The following BBS12 variants were observed in gnomAD, a reference collection of about 807,000 sequenced individuals.
BBS12 encodes the protein chaperonin-containing T-complex member BBS12.
A neutral mutation model predicts 5.6 loss-of-function variants in BBS12; 5 were observed. The ratio of observed to expected loss-of-function variants is 0.89; its 90% CI spans 0.46 to 1.86. The LOEUF is 1.86. Ranked by LOEUF, BBS12 falls within the 40% of genes most tolerant of loss-of-function variation. BBS12 has a pLI of 0.01. For missense variants in BBS12, 748 were observed against 830.4 expected (o/e 0.90, Z 1.22); for synonymous variants, 308 against 306.8 (o/e 1.00, Z -0.04).
the BBS12 span, among the ~76,000 whole-genome samples, chr4:122,713,235 A>G: frequency 4.6e-5 from 7 of 152,198 alleles, no homozygotes; most frequent in Non-Finnish European, 1.0e-4. Context: ...TTTATGGTGT[A>G]AAGTGGCCAA....
chr4:122,707,038 GTCTC>G, the BBS12 span, among the ~76,000 whole-genome samples: 22 of 97,348 alleles, frequency 2.3e-4, no homozygotes, highest in Non-Finnish European at 3.4e-4. Flanking sequence ...TATTCATTTT[GTCTC>G]TCTCTCTCTC....
rs766815204 is a variant in BBS12, at chr4:122,743,506, A to G, written c.1614A>G (p.Gly538=). Residue 538 remains glycine, a synonymous_variant, in exon 2 of 2, where the codon GGA becomes GGG. Transcript: ENST00000314218. ...TAAAAGAGGAAAAGGTCTTCCTTGG[A>G]GGTGGTGCAGTTGAATTTTTGTGTC... ...YALKEEKVFL[G]GGAVEFLCLS... The G allele has an allele frequency of 3.1e-6, 5 of 1,614,100 alleles. No individual in the cohort carries two copies. In the African/African-American group the frequency reaches 6.7e-5, roughly 22 times the overall value.
the BBS12 span, among the ~76,000 whole-genome samples, chr4:122,718,469 G>A: frequency 3.9e-5 from 6 of 152,088 alleles, no homozygotes; most frequent in Non-Finnish European, 7.4e-5. Flanking sequence ...TGAAGAAACT[G>A]GAAATCACCC....
chr4:122,731,947 A>C (rs1800702479), upstream of BBS12: 1 of 152,242 alleles, frequency 6.6e-6, no homozygotes, highest in Admixed American at 6.5e-5. Flanking sequence ...CACTGAAGAG[A>C]CTTTATATTA....
upstream of BBS12, chr4:122,728,696 A>C (rs1800659036): frequency 6.6e-6 from 1 of 152,274 alleles, no homozygotes; most frequent in Non-Finnish European, 1.5e-5. Context: ...AAAACACTTG[A>C]GAATGCTCAT....
chr4:122,708,041 C>G, the BBS12 span, among the ~76,000 whole-genome samples: 21 of 139,582 alleles, frequency 1.5e-4, no homozygotes, highest in Admixed American at 1.6e-3. Context: ...TTACAAGGTC[C>G]TGCTCTTTTG....
the BBS12 span, among the ~76,000 whole-genome samples, chr4:122,706,257 G>C: frequency 6.6e-6 from 1 of 151,970 alleles, no homozygotes; most frequent in South Asian, 2.1e-4. Context: ...ACATACCTGA[G>C]CCTATGGTTC....
the BBS12 span, among the ~76,000 whole-genome samples, chr4:122,701,360 C>A: frequency 6.6e-6 from 1 of 152,192 alleles, no homozygotes; most frequent in African/African-American, 2.4e-5. Context: ...AGCATTGAGA[C>A]TGAGTGTTGA....
Position 122,732,727 on chromosome 4 carries a change from TCCTC to T in BBS12, c.-166_-163del, listed in dbSNP as rs929650005. ...GTCTCTTAGCAACTAAGCCCCCGGCTCCTCCAGAAGCCCCTCTTCGCACATGCGC... is the reference window on the plus strand; with the variant it reads ...GTCTCTTAGCAACTAAGCCCCCGGCTCAGAAGCCCCTCTTCGCACATGCGC... On this transcript the variant is annotated 5_prime_UTR_variant, in exon 1 of 2. Coordinates refer to ENST00000314218, the MANE Select transcript of BBS12 (RefSeq NM_152618.3). 6.6e-6 allele frequency: 1 copy of T among 152,378 alleles called. No individual in the cohort carries two copies. The highest frequency in any genetic ancestry group is 2.4e-5 in the African/African-American group (1 of 41,468). The allele number at this position is 152,378 out of a possible 1,614,324, so 9.4% of individuals were successfully genotyped here.
rs1356769446 is a variant in BBS12 at position 122,743,497 on chromosome 4, C to T, written c.1605C>T (p.Val535=). Residue 535 remains valine, a synonymous_variant, in exon 2 of 2, where the codon GTC becomes GTT. Transcript: ENST00000314218. ...ATTATGCTCTAAAAGAGGAAAAGGT[C>T]TTCCTTGGAGGTGGTGCAGTTGAAT... ...RLYYALKEEK[V]FLGGGAVEFL... The T allele has an allele frequency of 1.2e-6, 2 of 1,614,216 alleles. No homozygotes were observed. Among genetic ancestry groups the T allele is most frequent in the Non-Finnish European group, 1.7e-6 (2 of 1,180,034 alleles).
the BBS12 span, among the ~76,000 whole-genome samples, chr4:122,713,576 G>A: frequency 6.6e-6 from 1 of 152,330 alleles, no homozygotes; most frequent in African/African-American, 2.4e-5. Context: ...TTGGAATTAA[G>A]GCAATAGGGA....
At chr4:122,729,653 C>G (rs779448795), upstream of BBS12, 13 of 152,128 alleles carry the variant, frequency 8.5e-5, no homozygotes, top group Non-Finnish European at 1.6e-4. Flanking sequence ...CTGAGGTTAA[C>G]ACATAAAATC....
At chr4:122,715,291 T>G in the BBS12 span, among the ~76,000 whole-genome samples, 1 of 151,710 alleles carries the variant, frequency 6.6e-6, no homozygotes, top group Non-Finnish European at 1.5e-5. Context: ...CATCCATCAC[T>G]TTCACCATCA....
At position 122,744,528 on chromosome 4, in the gene BBS12, A is replaced by T. The variant is rs1800957542; in HGVS notation, c.*503A>T. The T allele has an allele frequency of 5.9e-6, 1 of 170,638 alleles. No individual in the cohort carries two copies. Among genetic ancestry groups the T allele is most frequent in the South Asian group, 2.0e-4 (1 of 5,100 alleles). The allele number at this position is 170,638 out of a possible 1,614,324, so 10.6% of individuals were successfully genotyped here. On this transcript the variant is annotated 3_prime_UTR_variant, in exon 2 of 2. Coordinates refer to ENST00000314218, the MANE Select transcript of BBS12 (RefSeq NM_152618.3). ...TAGGACATGGACTAGGTAAAGACAAAGTCCTTGCATTCTTGACATACCCAG... is the reference window on the plus strand; with the variant it reads ...TAGGACATGGACTAGGTAAAGACAATGTCCTTGCATTCTTGACATACCCAG...
chr4:122,734,906 A>T (rs1181455470), intron 1 of BBS12, among the ~76,000 whole-genome samples: 1 of 151,870 alleles, frequency 6.6e-6, no homozygotes, highest in Non-Finnish European at 1.5e-5. Flanking sequence ...ATCCAGGAAA[A>T]CATTAAACAC....
chr4:122,740,473 C>T (rs1800852098), intron 1 of BBS12, among the ~76,000 whole-genome samples: 1 of 152,168 alleles, frequency 6.6e-6, no homozygotes, highest in African/African-American at 2.4e-5. Flanking sequence ...TTTGAACAGA[C>T]TTTTGTTCTG....
chr4:122,710,177 C>CAG, the BBS12 span, among the ~76,000 whole-genome samples: 54 of 152,300 alleles, frequency 3.5e-4, no homozygotes, highest in African/African-American at 1.2e-3. Flanking sequence ...CCTCTGCCCT[C>CAG]AGAGTGGGGG....
At chr4:122,714,129 C>G in the BBS12 span, among the ~76,000 whole-genome samples, 1 of 151,908 alleles carries the variant, frequency 6.6e-6, no homozygotes, top group African/African-American at 2.4e-5. Context: ...AAGGATGAGG[C>G]CCTAATTCAA....
the BBS12 span, among the ~76,000 whole-genome samples, chr4:122,723,003 G>GT: frequency 6.6e-6 from 1 of 152,052 alleles, no homozygotes; most frequent in Middle Eastern, 3.4e-3. Flanking sequence ...ATTCTCTCTT[G>GT]TTTTTTGTTT....
Sources: allele counts gnomAD v4.1 joint callset (sites outside exome capture counted in the v4.1 genomes callset), GRCh38; gene constraint gnomAD v4.1.1; transcripts MANE v1.5; gene names NCBI Gene and HGNC (gene_info 2026-07-23, HGNC 2026-07-21).